Variants in ARHGAP44 observed in about 807,000 individuals in gnomAD.
ARHGAP44 encodes the protein Rho GTPase activating protein 44, also known as rho GTPase-activating protein 44.
Under a neutral mutation model 106.8 loss-of-function variants are expected in ARHGAP44, and 43 were observed. The observed-to-expected ratio is 0.40, with a 90% CI of 0.32 to 0.52. The LOEUF (loss-of-function observed/expected upper bound fraction) is 0.52, where lower values mean the gene tolerates loss of function less well. Ranked by LOEUF, ARHGAP44 falls within the 20% of genes least tolerant of loss-of-function variation. The pLI, the probability that ARHGAP44 is intolerant of heterozygous loss-of-function variation, is 0.48. For synonymous variants in ARHGAP44, 439 were observed against 410.3 expected (o/e 1.07, Z -0.85); for missense variants, 866 against 1,050.5 (o/e 0.82, Z 2.43).
chr17:12,981,789 T>C (rs780725710), intron 19 of ARHGAP44, among the ~76,000 whole-genome samples: 1 of 151,298 alleles, frequency 6.6e-6, no homozygotes, highest in Non-Finnish European at 1.5e-5. Flanking sequence ...GATGGGCAGA[T>C]TGCCTGAGCT....
intron 1 of ARHGAP44, among the ~76,000 whole-genome samples, chr17:12,894,519 T>G (rs978950641): frequency 7.2e-5 from 11 of 152,182 alleles, no homozygotes; most frequent in Non-Finnish European, 1.3e-4. Flanking sequence ...GGTGGTGGCA[T>G]TTGCATTAGT....
chr17:12,948,088 A>C (rs369167311), intron 10 of ARHGAP44, among the ~76,000 whole-genome samples: 1 of 152,304 alleles, frequency 6.6e-6, no homozygotes, highest in East Asian at 1.9e-4. Context: ...AGGAACTAAG[A>C]TGAAACAGAA....
intron 1 of ARHGAP44, among the ~76,000 whole-genome samples, chr17:12,878,245 T>G (rs766193409): frequency 6.6e-6 from 1 of 151,816 alleles, no homozygotes; most frequent in African/African-American, 2.4e-5. Flanking sequence ...TTTCAGAGCG[T>G]CTTATGAATC....
Position 12,990,433 on chromosome 17 carries a change from C to A in ARHGAP44, c.*262C>A. 2.4e-6 allele frequency: 1 copy of A among 414,868 alleles called. No homozygotes were observed. Among genetic ancestry groups the A allele is most frequent in the Non-Finnish European group, 4.5e-6 (1 of 221,206 alleles). The allele number at this position is 414,868 out of a possible 1,614,324, so 25.7% of individuals were successfully genotyped here. On this transcript the variant is annotated 3_prime_UTR_variant, in exon 21 of 21. Transcript: ENST00000379672. ...TTTTGACTTTGTGCCTCTTTTGATC[C>A]ACTTTCAGCCTCCATGCCAGAAAAC...
intron 15 of ARHGAP44, among the ~76,000 whole-genome samples, chr17:12,957,546 T>TGTC (rs2039160338): frequency 6.6e-6 from 1 of 152,138 alleles, no homozygotes; most frequent in Admixed American, 6.6e-5. Flanking sequence ...CCCTTTGAGT[T>TGTC]GTCCCTCAGC....
chr17:12,963,902 A>G (rs1193335492), intron 16 of ARHGAP44, among the ~76,000 whole-genome samples: 3 of 152,194 alleles, frequency 2.0e-5, no homozygotes, highest in Admixed American at 6.5e-5. Flanking sequence ...ATGTGATTCT[A>G]ATGTGCTGGG....
chr17:12,946,974 A>AT (rs1555561705), intron 10 of ARHGAP44, among the ~76,000 whole-genome samples: 1 of 151,932 alleles, frequency 6.6e-6, no homozygotes, highest in Non-Finnish European at 1.5e-5. Flanking sequence ...TGTCACTTGC[A>AT]TTTTTTCCCT....
In ARHGAP44 at chr17:12,949,568, C is replaced by G. The variant is rs1405529036; in HGVS notation, c.974-81C>G. 7.4e-7 allele frequency: 1 copy of G among 1,346,190 alleles called. No individual in the cohort carries two copies. Among genetic ancestry groups the G allele is most frequent in the Non-Finnish European group, 1.0e-6 (1 of 956,460 alleles). The allele number at this position is 1,346,190 out of a possible 1,614,324, so 83.4% of individuals were successfully genotyped here. On this transcript the variant is annotated intron_variant, in intron 11 of 20. Coordinates refer to ENST00000379672, the MANE Select transcript of ARHGAP44 (RefSeq NM_014859.6). This position sits in a 1 kb window ranked among gnomAD's most constrained non-coding sequence, Gnocchi z 4.1. Reference sequence around the variant, plus strand: ...TCAGGAGGCCCATCCCCAGATGGAACCCACATAGGCAGTGCTGGCTGGTGG... The same window carrying G: ...TCAGGAGGCCCATCCCCAGATGGAAGCCACATAGGCAGTGCTGGCTGGTGG...
At chr17:12,910,466 T>TTTG (rs2037693512) in intron 4 of ARHGAP44, among the ~76,000 whole-genome samples, 1 of 147,876 alleles carries the variant, frequency 6.8e-6, no homozygotes, top group Non-Finnish European at 1.5e-5. Context: ...TTTTTTTTTT[T>TTTG]GAGATAGATT....
intron 6 of ARHGAP44, among the ~76,000 whole-genome samples, chr17:12,922,788 G>A (rs984739744): frequency 6.6e-6 from 1 of 151,964 alleles, no homozygotes; most frequent in African/African-American, 2.4e-5. Flanking sequence ...TAGTATAGAC[G>A]GGGTTTCGCC....
At chr17:12,979,496 A>T (rs974812405) in intron 18 of ARHGAP44, among the ~76,000 whole-genome samples, 1 of 152,060 alleles carries the variant, frequency 6.6e-6, no homozygotes, top group African/African-American at 2.4e-5. Context: ...TGTCCACCCT[A>T]GCTTCTGCTG....
At chr17:12,952,409 G>C (rs939162173) in intron 12 of ARHGAP44, 92 bp from the exon 13 acceptor site, 2 of 1,050,080 alleles carry the variant, frequency 1.9e-6, no homozygotes, top group Non-Finnish European at 2.8e-6. Context: ...ACAGTGGTTG[G>C]TATCAAATAT....
intron 1 of ARHGAP44, among the ~76,000 whole-genome samples, chr17:12,839,316 C>G (rs1447079296): frequency 1.3e-5 from 2 of 152,220 alleles, no homozygotes; most frequent in Admixed American, 6.5e-5. Flanking sequence ...GTGTCCCTCG[C>G]TCTTCCAAGG....
In ARHGAP44 at chr17:12,808,240, G is replaced by A. The variant is rs74253574; in HGVS notation, c.53+18349G>A. 4.8e-3 allele frequency among the ~76,000 whole-genome samples: 734 copies of A among 152,266 alleles called. 32 individuals are homozygous for A. In the East Asian group the frequency reaches 0.087, roughly 18 times the overall value. On this transcript the variant is annotated intron_variant, in intron 1 of 20. Transcript: ENST00000379672. Reference sequence around the variant, plus strand: ...GCTTTTCCAGACGCATGGTACAAGCGGTCAGTGGATCTTCCATTCTGGGTT... The same window carrying A: ...GCTTTTCCAGACGCATGGTACAAGCAGTCAGTGGATCTTCCATTCTGGGTT...
At chr17:12,859,011 A>G (rs1490342390) in intron 1 of ARHGAP44, among the ~76,000 whole-genome samples, 1 of 152,142 alleles carries the variant, frequency 6.6e-6, no homozygotes, top group East Asian at 1.9e-4. Context: ...ATTCTCTCCC[A>G]CTGGGTCCCT....
At chr17:12,933,611 G>A (rs963510607) in intron 7 of ARHGAP44, among the ~76,000 whole-genome samples, 8 of 152,188 alleles carry the variant, frequency 5.3e-5, no homozygotes, top group Non-Finnish European at 1.0e-4. Context: ...ATCCAAGGAA[G>A]TATAAGTAGT....
chr17:12,813,249 C>A (rs1436704282), intron 1 of ARHGAP44, among the ~76,000 whole-genome samples: 1 of 151,782 alleles, frequency 6.6e-6, no homozygotes, highest in African/African-American at 2.4e-5. Context: ...ATCAGTCAAC[C>A]ACGATTCAAG....
At chr17:12,793,745 A>G (rs1173663930) in intron 1 of ARHGAP44, among the ~76,000 whole-genome samples, 1 of 151,574 alleles carries the variant, frequency 6.6e-6, no homozygotes, top group East Asian at 1.9e-4. Flanking sequence ...TTCTAAAAGC[A>G]TGCTATGGTA....
chr17:12,865,615 C>T (rs1174398616), intron 1 of ARHGAP44, among the ~76,000 whole-genome samples: 2 of 152,064 alleles, frequency 1.3e-5, no homozygotes, highest in East Asian at 3.9e-4. Flanking sequence ...TGGTGAAACC[C>T]TGTCTCTACT....
Sources: gnomAD v4.1 joint callset for allele counts (sites outside exome capture counted in the v4.1 genomes callset) on GRCh38, gnomAD v4.1.1 for gene constraint, Gnocchi (gnomAD v3.1) non-coding constraint, MANE v1.5 for transcripts, NCBI Gene and HGNC (gene_info 2026-07-23, HGNC 2026-07-21) for gene names.